Variants in XNDC1N observed in about 807,000 individuals in gnomAD.
XNDC1N encodes protein XNDC1N.
chr11:71,899,177 G>A, the XNDC1N span, among the ~76,000 whole-genome samples: 1 of 152,158 alleles, frequency 6.6e-6, no homozygotes, highest in Non-Finnish European at 1.5e-5. Flanking sequence ...ATAGTAAATA[G>A]TCAGTCTGTG....
At chr11:71,913,987 T>C in the XNDC1N span, among the ~76,000 whole-genome samples, 236 of 152,316 alleles carry the variant, frequency 1.5e-3, no homozygotes, top group African/African-American at 5.5e-3. Context: ...GAAAGAAAGA[T>C]TCCTTTTCAA....
the XNDC1N span, among the ~76,000 whole-genome samples, chr11:71,891,312 T>C: frequency 6.6e-6 from 1 of 151,652 alleles, no homozygotes; most frequent in Non-Finnish European, 1.5e-5. Flanking sequence ...CTGGGAGTAA[T>C]ATCATCCTCT....
chr11:71,882,142 G>T, the XNDC1N span, among the ~76,000 whole-genome samples: 1 of 151,072 alleles, frequency 6.6e-6, no homozygotes, highest in Non-Finnish European at 1.5e-5. Flanking sequence ...GACAACCAAG[G>T]ATAAGAATTA....
At chr11:71,912,589 A>G in the XNDC1N span, among the ~76,000 whole-genome samples, 1 of 152,164 alleles carries the variant, frequency 6.6e-6, no homozygotes, top group South Asian at 2.1e-4. Flanking sequence ...ATTGGGCACA[A>G]AAACACAAAA....
At chr11:71,902,290 C>G in the XNDC1N span, among the ~76,000 whole-genome samples, 21 of 152,346 alleles carry the variant, frequency 1.4e-4, no homozygotes, top group East Asian at 3.9e-3. Flanking sequence ...CTCCCAGGTT[C>G]AAGCCATTCT....
At chr11:71,892,269 T>C in the XNDC1N span, among the ~76,000 whole-genome samples, 4 of 152,084 alleles carry the variant, frequency 2.6e-5, no homozygotes, top group South Asian at 8.3e-4. Context: ...TCGCAGGGTG[T>C]ACACCCACTT....
the XNDC1N span, among the ~76,000 whole-genome samples, chr11:71,909,135 C>T: frequency 6.6e-6 from 1 of 152,032 alleles, no homozygotes; most frequent in African/African-American, 2.4e-5. Flanking sequence ...CCGTCAAAGC[C>T]CAGAAGACAT....
At chr11:71,884,158 G>A in the XNDC1N span, among the ~76,000 whole-genome samples, 1 of 152,274 alleles carries the variant, frequency 6.6e-6, no homozygotes, top group South Asian at 2.1e-4. Flanking sequence ...GTAGAAATAT[G>A]TGGTAATAGT....
chr11:71,928,433 A>T, the XNDC1N span: 1 of 701,988 alleles, frequency 1.4e-6, no homozygotes, highest in Non-Finnish European at 2.6e-6. Flanking sequence ...TTCTCCCGCC[A>T]ATTCGGCCTT....
chr11:71,891,087 C>T, the XNDC1N span, among the ~76,000 whole-genome samples: 1 of 151,952 alleles, frequency 6.6e-6, no homozygotes, highest in South Asian at 2.1e-4. Context: ...TCAACGTAAC[C>T]TTATCCTCTC....
chr11:71,913,100 T>A, the XNDC1N span, among the ~76,000 whole-genome samples: 1 of 152,094 alleles, frequency 6.6e-6, no homozygotes, highest in Non-Finnish European at 1.5e-5. Flanking sequence ...AGGAGGGGTG[T>A]ACACCCTCTG....
At chr11:71,895,754 C>T in the XNDC1N span, among the ~76,000 whole-genome samples, 1 of 152,104 alleles carries the variant, frequency 6.6e-6, no homozygotes, top group African/African-American at 2.4e-5. Flanking sequence ...GCACAGTATC[C>T]CTGAAGTTTC....
At chr11:71,875,325 G>A in the XNDC1N span, among the ~76,000 whole-genome samples, 1 of 151,976 alleles carries the variant, frequency 6.6e-6, no homozygotes, top group African/African-American at 2.4e-5. Context: ...AAATAGTAAT[G>A]ATCTTTTAAG....
the XNDC1N span, among the ~76,000 whole-genome samples, chr11:71,906,441 T>C: frequency 6.6e-6 from 1 of 152,112 alleles, no homozygotes; most frequent in African/African-American, 2.4e-5. Context: ...GAGAACACGC[T>C]GTGTGACATT....
chr11:71,907,038 G>T, the XNDC1N span, among the ~76,000 whole-genome samples: 1 of 152,098 alleles, frequency 6.6e-6, no homozygotes, highest in Non-Finnish European at 1.5e-5. Context: ...CCCCTTAGGA[G>T]ATTAAGAATA....
the XNDC1N span, among the ~76,000 whole-genome samples, chr11:71,905,126 C>T: frequency 6.6e-6 from 1 of 151,956 alleles, no homozygotes; most frequent in Non-Finnish European, 1.5e-5. Context: ...GATAATATCA[C>T]AGGAGGTGTT....
the XNDC1N span, among the ~76,000 whole-genome samples, chr11:71,897,115 G>C: frequency 6.6e-6 from 1 of 152,160 alleles, no homozygotes. Flanking sequence ...AGCGCTAAAA[G>C]TATGACACGC....
the XNDC1N span, chr11:71,903,578 C>T: frequency 1.5e-6 from 1 of 666,756 alleles, no homozygotes; most frequent in Admixed American, 2.1e-5. Context: ...ATCTGTCACC[C>T]TCCATATCGT....
chr11:71,904,992 T>C, the XNDC1N span, among the ~76,000 whole-genome samples: 1 of 152,016 alleles, frequency 6.6e-6, no homozygotes, highest in Non-Finnish European at 1.5e-5. Context: ...ATATAACGAA[T>C]AATATCAGGG....
Sources: allele counts gnomAD v4.1 joint callset (sites outside exome capture counted in the v4.1 genomes callset), GRCh38; gene constraint gnomAD v4.1.1; transcripts MANE v1.5; gene names NCBI Gene and HGNC (gene_info 2026-07-23, HGNC 2026-07-21).